Variants in ELMO1 observed in about 807,000 individuals in gnomAD.
ELMO1 encodes engulfment and cell motility protein 1.
ELMO1 carries 26 observed loss-of-function variants against 98.9 expected under a neutral mutation model. The ratio of observed to expected loss-of-function variants is 0.26; its 90% CI spans 0.19 to 0.36. The LOEUF (loss-of-function observed/expected upper bound fraction) is 0.36. Ranked by LOEUF, ELMO1 falls within the 10% of genes least tolerant of loss-of-function variation. The pLI is 1.00. For synonymous variants in ELMO1, 346 were observed against 346.0 expected, an observed-to-expected ratio of 1.00 and a Z score of 0.00; for missense variants, 627 against 935.2, an observed-to-expected ratio of 0.67 and a Z score of 4.30.
rs546276420 is a variant in ELMO1, at chr7:37,013,177, T to C, written c.1437+122A>G. On this transcript the variant is annotated intron_variant, in intron 16 of 21. Coordinates refer to ENST00000310758, the MANE Select transcript of ELMO1 (RefSeq NM_014800.11). ...TCTTTCTCCATTCTTGAAGCAACTATCATTGCAATCTTCCTCATTTCCCCA... is the reference window on the plus strand; with the variant it reads ...TCTTTCTCCATTCTTGAAGCAACTACCATTGCAATCTTCCTCATTTCCCCA... The C allele has an allele frequency of 5.6e-6, 7 of 1,257,044 alleles. No homozygotes were observed. The African/African-American group carries it at 6.0e-5, about 11-fold the overall frequency. The allele number at this position is 1,257,044 out of a possible 1,614,324, so 77.9% of individuals were successfully genotyped here.
In ELMO1 at chr7:37,424,749, A is replaced by G. The variant is rs1423214442; in HGVS notation, c.-74+23926T>C. ...GTGTTCAAGGTCAATGCTGTTCAGA[A>G]CTGGGTTTCTTAGCAAGGGTGACCA... On this transcript the variant is annotated intron_variant, in intron 1 of 21. Transcript: ENST00000310758. 2.6e-5 allele frequency among the ~76,000 whole-genome samples: 4 copies of G among 152,298 alleles called. No individual in the cohort carries two copies. The East Asian group carries it at 7.7e-4, about 29-fold the overall frequency.
chr7:37,076,403 G>T (rs1326962144), intron 15 of ELMO1, among the ~76,000 whole-genome samples: 1 of 152,092 alleles, frequency 6.6e-6, no homozygotes, highest in African/African-American at 2.4e-5. Flanking sequence ...ATGTGGCATG[G>T]GATCCGATGA....
At chr7:37,305,604 T>C (rs1277406732) in intron 4 of ELMO1, among the ~76,000 whole-genome samples, 1 of 152,242 alleles carries the variant, frequency 6.6e-6, no homozygotes, top group Non-Finnish European at 1.5e-5. Context: ...TTCTCCACTG[T>C]GAATAATCTT....
intron 14 of ELMO1, among the ~76,000 whole-genome samples, chr7:37,101,769 G>A (rs1027319726): frequency 4.6e-5 from 7 of 151,720 alleles, no homozygotes; most frequent in East Asian, 2.0e-4. Context: ...AGGGGGCTGC[G>A]AGTGAAGACA....
chr7:37,386,444 T>C (rs557239062), intron 1 of ELMO1, among the ~76,000 whole-genome samples: 1 of 152,052 alleles, frequency 6.6e-6, no homozygotes, highest in Non-Finnish European at 1.5e-5. Context: ...ACTGCCCTTG[T>C]ACAGAGCCTC....
At chr7:37,306,580 G>C (rs1267284303) in intron 4 of ELMO1, among the ~76,000 whole-genome samples, 1 of 152,190 alleles carries the variant, frequency 6.6e-6, no homozygotes, top group Non-Finnish European at 1.5e-5. Context: ...GAAAGTGTTT[G>C]AGCTTGGTAC....
intron 8 of ELMO1, among the ~76,000 whole-genome samples, chr7:37,232,817 T>C (rs543172107): frequency 1.3e-5 from 2 of 152,300 alleles, no homozygotes; most frequent in South Asian, 4.1e-4. Context: ...GAGTCACACA[T>C]GGGGAATTAA....
intron 15 of ELMO1, among the ~76,000 whole-genome samples, chr7:37,070,587 G>A (rs1405659554): frequency 2.6e-5 from 4 of 152,138 alleles, no homozygotes; most frequent in South Asian, 2.1e-4. Context: ...GCAAATACAC[G>A]GGTTTCCAGC....
intron 15 of ELMO1, 75 bp downstream of exon 15, chr7:37,096,542 TCA>T: frequency 7.9e-7 from 1 of 1,272,104 alleles, no homozygotes; most frequent in Non-Finnish European, 1.1e-6. Context: ...TGGGATTTCT[TCA>T]CACAGGTAGG....
At chr7:37,028,029 G>A (rs1307834318) in intron 15 of ELMO1, among the ~76,000 whole-genome samples, 1 of 149,116 alleles carries the variant, frequency 6.7e-6, no homozygotes, top group African/African-American at 2.5e-5. Context: ...CATACTACGA[G>A]AACTGTCTTT....
In ELMO1 at chr7:37,206,348, TAG is replaced by T. The variant is rs367747112; in HGVS notation, c.1086+5036_1086+5037del. Among the ~76,000 whole-genome samples, 298 of 152,282 alleles carry T rather than the reference TAG, an allele frequency of 2.0e-3. 4 individuals carry two copies. Among genetic ancestry groups the T allele is most frequent in the African/African-American group, 6.8e-3 (283 of 41,536 alleles). ...CCCAAGTCACTCAGCCTGTGATTGG[TAG>T]AGTCAGAAATCGATGTCAGCAACCC... On this transcript the variant is annotated intron_variant, in intron 13 of 21. Coordinates refer to ENST00000310758, the MANE Select transcript of ELMO1 (RefSeq NM_014800.11).
At chr7:37,309,822 C>T (rs1275120706) in intron 4 of ELMO1, among the ~76,000 whole-genome samples, 1 of 152,232 alleles carries the variant, frequency 6.6e-6, no homozygotes, top group Admixed American at 6.5e-5. Flanking sequence ...CTCTGTCCAT[C>T]TCCTTTGATT....
chr7:37,071,578 T>C (rs1181006278), intron 15 of ELMO1, among the ~76,000 whole-genome samples: 1 of 152,160 alleles, frequency 6.6e-6, no homozygotes, highest in East Asian at 1.9e-4. Context: ...GGTGTACACA[T>C]AGTCTCTACC....
In ELMO1 at chr7:37,211,072, C is replaced by T. The variant is rs550972609; in HGVS notation, c.1086+314G>A. The T allele has an allele frequency of 4.9e-5, 12 of 244,492 alleles. No homozygotes were observed. The South Asian group carries it at 7.8e-4, about 16-fold the overall frequency. 15.1% of individuals were successfully genotyped at this position (244,492 alleles called of 1,614,324 possible). A position where few individuals can be genotyped will look rare whatever the true frequency, so the allele number is the denominator to read the frequency against. On this transcript the variant is annotated intron_variant, in intron 13 of 21. Transcript: ENST00000310758. ...ATCCATCACTCATTTAAGGCAAACA[C>T]AAATCTTAAGCATCTTGTGAAATAG...
chr7:37,188,450 A>ACG (rs1309343874), intron 13 of ELMO1, among the ~76,000 whole-genome samples: 9 of 9,994 alleles, frequency 9.0e-4, no homozygotes, highest in Non-Finnish European at 1.5e-3. Context: ...ACACACACAC[A>ACG]CGCAAACACA....
intron 4 of ELMO1, among the ~76,000 whole-genome samples, chr7:37,304,473 T>C (rs532023891): frequency 2.2e-4 from 33 of 152,308 alleles, no homozygotes; most frequent in African/African-American, 7.9e-4. Context: ...CCCAGCACTT[T>C]GGGAGGCTGA....
At chr7:36,974,859 C>A (rs369651689) in intron 16 of ELMO1, among the ~76,000 whole-genome samples, 1 of 151,996 alleles carries the variant, frequency 6.6e-6, no homozygotes, top group Admixed American at 6.5e-5. Flanking sequence ...ATGAGCCCAC[C>A]GGGAAGAATG....
chr7:37,095,646 A>C (rs1784331188), intron 15 of ELMO1, among the ~76,000 whole-genome samples: 1 of 152,208 alleles, frequency 6.6e-6, no homozygotes, highest in Non-Finnish European at 1.5e-5. Context: ...CTAAGTATTA[A>C]ATTTTCTAGT....
chr7:37,335,869 G>A (rs187965601), intron 2 of ELMO1, among the ~76,000 whole-genome samples: 1 of 152,174 alleles, frequency 6.6e-6, no homozygotes, highest in Non-Finnish European at 1.5e-5. Flanking sequence ...CTTTTCTTGG[G>A]TGAAGGTGAA....
Sources: allele counts gnomAD v4.1 joint callset (sites outside exome capture counted in the v4.1 genomes callset), GRCh38; gene constraint gnomAD v4.1.1; transcripts MANE v1.5; gene names NCBI Gene and HGNC (gene_info 2026-07-23, HGNC 2026-07-21).